Variants in UTP11 observed in about 807,000 individuals in gnomAD.
UTP11 encodes the protein UTP11 small subunit processome component.
A neutral mutation model predicts 39.0 loss-of-function variants in UTP11; 29 were observed. That is an observed-to-expected ratio of 0.74 (90% CI 0.55 to 1.01). The LOEUF (loss-of-function observed/expected upper bound fraction) is 1.01. UTP11 is among the 50% of genes least tolerant of loss of function. UTP11 has a pLI of 0.00. For synonymous variants in UTP11, 111 were observed against 105.0 expected (o/e 1.06, Z -0.35); for missense variants, 281 against 306.0 (o/e 0.92, Z 0.61).
Position 38,019,170 on chromosome 1 carries a change from G to A in UTP11, c.436+18G>A, listed in dbSNP as rs1260333576. ...AAAGGAAGGTATGAAATGTTTGAAGGTTTCTGGGACAGTCTACCATGCCAG... is the reference window on the plus strand; with the variant it reads ...AAAGGAAGGTATGAAATGTTTGAAGATTTCTGGGACAGTCTACCATGCCAG... On this transcript the variant is annotated intron_variant, in intron 5 of 7. Transcript: ENST00000373014. 6.2e-7 allele frequency: 1 copy of A among 1,613,920 alleles called. No homozygotes were observed. Among genetic ancestry groups the A allele is most frequent in the Admixed American group, 1.7e-5 (1 of 59,984 alleles).
intron 4 of UTP11, 100 bp downstream of exon 4, chr1:38,018,677 C>T (rs1646719569): frequency 2.2e-6 from 2 of 924,696 alleles, no homozygotes; most frequent in South Asian, 1.6e-5. Context: ...CATTTACAAT[C>T]TCACTTGATT....
At chr1:38,017,581 T>C in intron 2 of UTP11, 87 bp from the exon 3 acceptor site, 2 of 1,065,378 alleles carry the variant, frequency 1.9e-6, no homozygotes, top group Admixed American at 6.2e-5. Context: ...TAGATGCTTG[T>C]AAAGTTTGCT....
At position 38,023,809 on chromosome 1, in the gene UTP11, T is replaced by C. The variant is rs1482371800; in HGVS notation, c.*181T>C. On this transcript the variant is annotated 3_prime_UTR_variant, in exon 8 of 8. Coordinates refer to ENST00000373014, the MANE Select transcript of UTP11 (RefSeq NM_016037.4). The stretch of plus-strand genomic sequence containing the variant: ...AATCTCCCTCCCTTCTGTAATTGTT[T>C]TTGGATTGTGAAATTAGTCTTATTT... 2.1e-6 allele frequency: 1 copy of C among 471,174 alleles called. No individual in the cohort carries two copies. Among genetic ancestry groups the C allele is most frequent in the African/African-American group, 2.0e-5 (1 of 49,422 alleles). 29.2% of individuals were successfully genotyped at this position (471,174 alleles called of 1,614,324 possible). A position where few individuals can be genotyped will look rare whatever the true frequency, so the allele number is the denominator to read the frequency against.
At chr1:38,014,304 G>A (rs766975512) in intron 1 of UTP11, among the ~76,000 whole-genome samples, 10 of 152,156 alleles carry the variant, frequency 6.6e-5, no homozygotes, top group Non-Finnish European at 1.0e-4. Flanking sequence ...GAGGTGAGAA[G>A]AAGACCATCC....
In UTP11 at chr1:38,019,432, G is replaced by GTTT. The variant is rs150395460; in HGVS notation, c.567+57_567+59dup. 130 of 1,042,968 alleles carry GTTT rather than the reference G, an allele frequency of 1.2e-4. No homozygotes were observed. The African/African-American group carries it at 2.0e-3, about 16-fold the overall frequency. 64.6% of individuals were successfully genotyped at this position (1,042,968 alleles called of 1,614,324 possible). A position where few individuals can be genotyped will look rare whatever the true frequency, so the allele number is the denominator to read the frequency against. On this transcript the variant is annotated intron_variant, in intron 6 of 7. Coordinates refer to ENST00000373014, the MANE Select transcript of UTP11 (RefSeq NM_016037.4). ...CATGTGAGCTTAGGGGAATCTAGGT[G>GTTT]TTTTTTTTTTGTTTTTTTTTTTTTG...
At chr1:38,014,691 G>A (rs975732019) in intron 1 of UTP11, among the ~76,000 whole-genome samples, 4 of 152,324 alleles carry the variant, frequency 2.6e-5, no homozygotes, top group African/African-American at 7.2e-5. Flanking sequence ...AGGCTGGAGT[G>A]AGTGGGGCAA....
At chr1:38,023,355 G>T (rs367676529) in intron 7 of UTP11, among the ~76,000 whole-genome samples, 190 bp from the exon 8 acceptor site, 1 of 152,178 alleles carries the variant, frequency 6.6e-6, no homozygotes, top group African/African-American at 2.4e-5. Context: ...ACTGTACACA[G>T]CTAGTACTTT....
chr1:38,019,292 C>G lies in UTP11; in HGVS notation c.476C>G (p.Pro159Arg), dbSNP rs770434123. Residue 159 changes from proline to arginine, a missense_variant, in exon 6 of 8, where the codon CCG becomes CGG. Transcript: ENST00000373014. Reference sequence around the variant, plus strand: ...GTCGCAACTCACCTGCAAACAGCCCCGGAGCTAGTCGACAGAGTCTTTAAT... The same window carrying G: ...GTCGCAACTCACCTGCAAACAGCCCGGGAGCTAGTCGACAGAGTCTTTAAT... ...FDVATHLQTA[P>R]ELVDRVFNRP... 6.2e-7 allele frequency: 1 copy of G among 1,613,934 alleles called. No homozygotes were observed. Among genetic ancestry groups the G allele is most frequent in the African/African-American group, 1.3e-5 (1 of 74,880 alleles).
intron 2 of UTP11, chr1:38,017,043 T>C (rs1284665222): frequency 6.5e-6 from 1 of 153,324 alleles, no homozygotes; most frequent in Non-Finnish European, 1.5e-5. Flanking sequence ...TTAAGGCTAA[T>C]GATAATTAAG....
At chr1:38,013,014 C>T in intron 1 of UTP11, 149 bp downstream of exon 1, 3 of 1,008,036 alleles carry the variant, frequency 3.0e-6, no homozygotes, top group Non-Finnish European at 4.3e-6. Flanking sequence ...GTGGCTGGGG[C>T]GGAGCTTCGT....
Position 38,019,161 on chromosome 1 carries a change from T to C in UTP11, c.436+9T>C. On this transcript the variant is annotated intron_variant, in intron 5 of 7. Coordinates refer to ENST00000373014, the MANE Select transcript of UTP11 (RefSeq NM_016037.4). ...TGACACCAAAAAGGAAGGTATGAAA[T>C]GTTTGAAGGTTTCTGGGACAGTCTA... 1 of 1,614,006 alleles carries C rather than the reference T, an allele frequency of 6.2e-7. No individual in the cohort carries two copies. Among genetic ancestry groups the C allele is most frequent in the South Asian group, 1.1e-5 (1 of 91,046 alleles).
In UTP11 at chr1:38,024,653, C is replaced by G. The variant is rs945501525; in HGVS notation, c.*1025C>G. The G allele has an allele frequency of 6.6e-6, 1 of 151,424 alleles. No individual in the cohort carries two copies. The highest frequency in any genetic ancestry group is 1.5e-5 in the Non-Finnish European group (1 of 67,878). 9.4% of individuals were successfully genotyped at this position (151,424 alleles called of 1,614,324 possible). A position where few individuals can be genotyped will look rare whatever the true frequency, so the allele number is the denominator to read the frequency against. ...CGATCTCCTGACCTCATGATCCACC[C>G]GCCTCGGCCTCCCAAAGTGCTGGGA... On this transcript the variant is annotated 3_prime_UTR_variant, in exon 8 of 8. Transcript: ENST00000373014.
In UTP11 at chr1:38,019,309, G is replaced by A. The variant is rs146384741; in HGVS notation, c.493G>A (p.Val165Ile). 22 of 1,613,966 alleles carry A rather than the reference G, an allele frequency of 1.4e-5. No individual in the cohort carries two copies. In the African/African-American group the frequency reaches 2.1e-4, roughly 16 times the overall value. The change falls in exon 6 of 8, where the codon GTC becomes ATC. Residue 165 changes from valine (V) to isoleucine (I), a missense_variant. Coordinates refer to ENST00000373014, the MANE Select transcript of UTP11 (RefSeq NM_016037.4). ...LQTAPELVDR[V>I]FNRPRIETLQ... is the part of the protein sequence containing the mutation. ...AACAGCCCCGGAGCTAGTCGACAGA[G>A]TCTTTAATAGGCCCAGGATAGAGAC... is the stretch of plus-strand genomic sequence containing the variant.
chr1:38,016,657 C>T (rs1416885344), intron 2 of UTP11: 5 of 462,426 alleles, frequency 1.1e-5, no homozygotes, highest in Non-Finnish European at 2.0e-5. Context: ...TATGTTGTTC[C>T]AGATCATTTT....
At position 38,012,843 on chromosome 1, in the gene UTP11, G is replaced by T. The variant is rs779300481; in HGVS notation, c.41G>T (p.Arg14Leu). The T allele has an allele frequency of 6.2e-7, 1 of 1,614,218 alleles. No homozygotes were observed. The highest frequency in any genetic ancestry group is 8.5e-7 in the Non-Finnish European group (1 of 1,180,046). The change falls in exon 1 of 8, where the codon CGG (arginine) becomes CTG (leucine). Residue 14 changes from arginine to leucine, a missense_variant. Coordinates refer to ENST00000373014, the MANE Select transcript of UTP11 (RefSeq NM_016037.4). ...AFRKAAKSRQREHRERSQPGF... is the reference protein window; with the variant it reads ...AFRKAAKSRQLEHRERSQPGF... ...CGGAAGGCGGCTAAGTCCCGGCAGC[G>T]GGAACACAGAGAGCGAAGCCAGGTA... is the stretch of plus-strand genomic sequence containing the variant.
chr1:38,020,326 C>T (rs911190652), intron 6 of UTP11, among the ~76,000 whole-genome samples: 1 of 152,096 alleles, frequency 6.6e-6, no homozygotes, highest in Non-Finnish European at 1.5e-5. Context: ...TGGTCTTAAA[C>T]TCCTGAGCTC....
chr1:38,014,168 A>G (rs1646693932), intron 1 of UTP11, among the ~76,000 whole-genome samples: 1 of 152,226 alleles, frequency 6.6e-6, no homozygotes, highest in Non-Finnish European at 1.5e-5. Context: ...AAGAGATTGA[A>G]TAGTATATCC....
chr1:38,024,276 T>A lies in UTP11; in HGVS notation c.*648T>A, dbSNP rs897826799. On this transcript the variant is annotated 3_prime_UTR_variant, in exon 8 of 8. Transcript: ENST00000373014. ...TTAACTGTGCTAGGAGCTAGAGCTG[T>A]GGAGGTGGACAATTACTGTGAGTAG... 2.0e-5 allele frequency: 3 copies of A among 152,226 alleles called. No homozygotes were observed. The highest frequency in any genetic ancestry group is 4.4e-5 in the Non-Finnish European group (3 of 68,042). 9.4% of individuals were successfully genotyped at this position (152,226 alleles called of 1,614,324 possible).
At chr1:38,023,466 T>G in intron 7 of UTP11, 79 bp from the exon 8 acceptor site, 1 of 1,294,012 alleles carries the variant, frequency 7.7e-7, no homozygotes, top group Non-Finnish European at 1.1e-6. Flanking sequence ...AAGCAGGTGC[T>G]AATAGGTAGT....
Sources: gnomAD v4.1 joint callset for allele counts (sites outside exome capture counted in the v4.1 genomes callset) on GRCh38, gnomAD v4.1.1 for gene constraint, MANE v1.5 for transcripts, NCBI Gene and HGNC (gene_info 2026-07-23, HGNC 2026-07-21) for gene names.